The following IGSF3 variants were observed in gnomAD, a reference collection of about 807,000 sequenced individuals.
IGSF3 encodes glu-Trp-Ile EWI motif-containing protein 3.
Under a neutral mutation model 114.4 loss-of-function variants are expected in IGSF3, and 23 were observed. That is an observed-to-expected ratio of 0.20 (90% CI 0.14 to 0.28). The LOEUF (loss-of-function observed/expected upper bound fraction) is 0.28, where lower values mean the gene tolerates loss of function less well. Ranked by LOEUF, IGSF3 falls within the 10% of genes least tolerant of loss-of-function variation. The pLI, the probability that IGSF3 is intolerant of heterozygous loss-of-function variation, is 1.00. For synonymous variants in IGSF3, 571 were observed against 645.2 expected, an observed-to-expected ratio of 0.88 and a Z score of 1.74; for missense variants, 1,172 against 1,591.5, an observed-to-expected ratio of 0.74 and a Z score of 4.48.
intron 7 of IGSF3, among the ~76,000 whole-genome samples, chr1:116,597,488 C>A (rs1443173637): frequency 2.0e-5 from 3 of 152,178 alleles, no homozygotes; most frequent in African/African-American, 4.8e-5. Context: ...GAGTCCTGCA[C>A]GGCCTCAAGC....
In IGSF3 at chr1:116,595,537, A is replaced by C. The variant is rs1660307112; in HGVS notation, c.2029+4404T>G. On this transcript the variant is annotated intron_variant, in intron 7 of 10. Transcript: ENST00000369486. This position sits in a 1 kb window ranked among gnomAD's most constrained non-coding sequence, Gnocchi z 4.2. ...CCGGGTCAGCAATAAGAAATAGAAG[A>C]AAACCGATTTGGCAACATCCAGAGG... is the stretch of plus-strand genomic sequence containing the variant. Among the ~76,000 whole-genome samples, 1 of 152,216 alleles carries C rather than the reference A, an allele frequency of 6.6e-6. No homozygotes were observed. Among genetic ancestry groups the C allele is most frequent in the South Asian group, 2.1e-4 (1 of 4,828 alleles).
chr1:116,640,784 G>C (rs1648054692), intron 2 of IGSF3, among the ~76,000 whole-genome samples: 1 of 152,110 alleles, frequency 6.6e-6, no homozygotes, highest in Non-Finnish European at 1.5e-5. Context: ...AACCACACTA[G>C]GCATTGCCCA....
chr1:116,591,670 C>T (rs1009709830), intron 7 of IGSF3, among the ~76,000 whole-genome samples: 4 of 152,162 alleles, frequency 2.6e-5, no homozygotes, highest in African/African-American at 9.7e-5. Flanking sequence ...ATTCTATGCT[C>T]TGGATTTCCT....
intron 7 of IGSF3, among the ~76,000 whole-genome samples, chr1:116,597,174 A>C (rs1264710586): frequency 6.6e-6 from 1 of 152,198 alleles, no homozygotes; most frequent in Non-Finnish European, 1.5e-5. Context: ...AATCTCTCAG[A>C]GCCTCTGTTA....
chr1:116,633,588 C>T lies in IGSF3; in HGVS notation c.44-17131G>A, dbSNP rs1173854701. 6.6e-6 allele frequency among the ~76,000 whole-genome samples: 1 copy of T among 152,142 alleles called. No homozygotes were observed. The highest frequency in any genetic ancestry group is 1.5e-5 in the Non-Finnish European group (1 of 68,012). On this transcript the variant is annotated intron_variant, in intron 2 of 10. Coordinates refer to ENST00000369486, the MANE Select transcript of IGSF3 (RefSeq NM_001007237.3). This position sits in a 1 kb window ranked among gnomAD's most constrained non-coding sequence, Gnocchi z 4.3. ...GTAAGTGAGAGAACAAAAAATTTCA[C>T]AATCATGGGGACCTCTTCTTTCAGC...
rs200178729 is a variant in IGSF3 at position 116,624,096 on chromosome 1, CA to C, written c.44-7640del. Among the ~76,000 whole-genome samples the C allele has an allele frequency of 1.2e-4, 18 of 146,318 alleles. No homozygotes were observed. Among genetic ancestry groups the C allele is most frequent in the Admixed American group, 1.2e-3 (18 of 14,656 alleles). On this transcript the variant is annotated intron_variant, in intron 2 of 10. Coordinates refer to ENST00000369486, the MANE Select transcript of IGSF3 (RefSeq NM_001007237.3). This position sits in a 1 kb window ranked among gnomAD's most constrained non-coding sequence, Gnocchi z 4.9. ...AGAAAGACTCTATCTAAAAAAAAAA[CA>C]AAAAAAAGGTCCCTGAGGATCCCTC... is the stretch of plus-strand genomic sequence containing the variant.
At position 116,613,882 on chromosome 1, in the gene IGSF3, A is replaced by C; in HGVS notation, c.715T>G (p.Ser239Ala). ...TCGCAGTAGAATTCGCCCTGGTCAG[A>C]AGGCTGCAGGTGGAAGATGGTGAGG... ...FRLTIFHLQPSDQGEFYCEAA... is the reference protein window; with the variant it reads ...FRLTIFHLQPADQGEFYCEAA... Residue 239 changes from serine to alanine, a missense_variant, in exon 4 of 11, where the codon TCT becomes GCT. Physicochemically the swap from Ser to Ala is moderately conservative, Grantham distance 99. Around this residue, in one of 3 missense-constraint regions of IGSF3, gnomAD observed 736 missense variants for 1,042.0 expected, o/e 0.71. Transcript: ENST00000369486. 6.2e-7 allele frequency: 1 copy of C among 1,613,966 alleles called. No homozygotes were observed. Among genetic ancestry groups the C allele is most frequent in the Middle Eastern group, 1.7e-4 (1 of 6,052 alleles).
At position 116,626,053 on chromosome 1, in the gene IGSF3, T is replaced by G. The variant is rs573786261; in HGVS notation, c.44-9596A>C. ...ATTACTAAATGTTGAAGCTGCTTCC[T>G]TAGAGGACTGCTAAACCATAACTCA... On this transcript the variant is annotated intron_variant, in intron 2 of 10. Transcript: ENST00000369486. Among the ~76,000 whole-genome samples, 280 of 152,354 alleles carry G rather than the reference T, an allele frequency of 1.8e-3. 1 individual carries two copies. Among genetic ancestry groups the G allele is most frequent in the Non-Finnish European group, 3.4e-3 (233 of 68,026 alleles).
chr1:116,593,122 C>T lies in IGSF3; in HGVS notation c.2030-4018G>A, dbSNP rs1660190688. Among the ~76,000 whole-genome samples, 2 of 152,202 alleles carry T rather than the reference C, an allele frequency of 1.3e-5. No homozygotes were observed. The highest frequency in any genetic ancestry group is 1.3e-4 in the Admixed American group (2 of 15,280). On this transcript the variant is annotated intron_variant, in intron 7 of 10. Coordinates refer to ENST00000369486, the MANE Select transcript of IGSF3 (RefSeq NM_001007237.3). This position sits in a 1 kb window ranked among gnomAD's most constrained non-coding sequence, Gnocchi z 4.5. ...GCCTGCAGCTTGTACTTGATCCTGA[C>T]CACCTGTGGCCCTCAGGGTGCACGC...
chr1:116,652,911 G>A (rs771337941), intron 2 of IGSF3, among the ~76,000 whole-genome samples: 23 of 152,154 alleles, frequency 1.5e-4, no homozygotes, highest in Non-Finnish European at 7.3e-5. Flanking sequence ...GTACCCGTAC[G>A]GAGATTTAGT....
chr1:116,618,820 G>A lies in IGSF3; in HGVS notation c.44-2363C>T, dbSNP rs1307787004. ...TAACATTAGGTATCCTTTGAATTGCGGTGTTCTATGACAGCGCAACTACAA... is the reference window on the plus strand; with the variant it reads ...TAACATTAGGTATCCTTTGAATTGCAGTGTTCTATGACAGCGCAACTACAA... On this transcript the variant is annotated intron_variant, in intron 2 of 10. Coordinates refer to ENST00000369486, the MANE Select transcript of IGSF3 (RefSeq NM_001007237.3). This position sits in a 1 kb window ranked among gnomAD's most constrained non-coding sequence, Gnocchi z 4.7. Among the ~76,000 whole-genome samples, 2 of 152,030 alleles carry A rather than the reference G, an allele frequency of 1.3e-5. No homozygotes were observed. Among genetic ancestry groups the A allele is most frequent in the Admixed American group, 6.6e-5 (1 of 15,260 alleles).
Position 116,627,508 on chromosome 1 carries a change from AG to A in IGSF3, c.44-11052del, listed in dbSNP as rs1197236131. ...CAGCACTGCCTGCACCTCCTCCTGG[AG>A]CTGGCAGGGCCCCAGCAGTGCGCCT... is the stretch of plus-strand genomic sequence containing the variant. On this transcript the variant is annotated intron_variant, in intron 2 of 10. Transcript: ENST00000369486. The surrounding 1 kb of genome is among the most constrained non-coding windows in gnomAD (Gnocchi z 4.7). Among the ~76,000 whole-genome samples, 2 of 152,128 alleles carry A rather than the reference AG, an allele frequency of 1.3e-5. No homozygotes were observed. The highest frequency in any genetic ancestry group is 4.8e-5 in the African/African-American group (2 of 41,422).
intron 2 of IGSF3, among the ~76,000 whole-genome samples, chr1:116,622,466 T>TAA (rs3045085): frequency 1.0e-3 from 153 of 146,756 alleles, no homozygotes; most frequent in African/African-American, 3.3e-3. Flanking sequence ...AAAATTACAT[T>TAA]AAAAAAAAAA....
chr1:116,602,720 C>T (rs1349413397), intron 6 of IGSF3, among the ~76,000 whole-genome samples: 1 of 152,216 alleles, frequency 6.6e-6, no homozygotes, highest in Non-Finnish European at 1.5e-5. Flanking sequence ...GGGAGTGGGA[C>T]ATAAAGTTGC....
intron 2 of IGSF3, among the ~76,000 whole-genome samples, chr1:116,621,455 C>A (rs1363296123): frequency 6.6e-6 from 1 of 152,184 alleles, no homozygotes; most frequent in Non-Finnish European, 1.5e-5. Context: ...AGCCACTGAA[C>A]CTGCCCCTTT....
intron 2 of IGSF3, among the ~76,000 whole-genome samples, chr1:116,626,142 T>C (rs1405287276): frequency 6.6e-6 from 1 of 152,190 alleles, no homozygotes; most frequent in East Asian, 1.9e-4. Context: ...TTTTAAAAAT[T>C]ACAGTATTTT....
At chr1:116,663,462 A>T (rs188606880) in intron 2 of IGSF3, among the ~76,000 whole-genome samples, 2 of 152,010 alleles carry the variant, frequency 1.3e-5, no homozygotes, top group East Asian at 3.9e-4. Context: ...AGCCAGGCTT[A>T]AATGGCTTTG....
At position 116,584,967 on chromosome 1, in the gene IGSF3, G is replaced by A. The variant is rs367614047; in HGVS notation, c.2526C>T (p.Asn842=). ...RQVQLECVVL[N]RTSITSQLMV... ...TGAGCTGGGAGGTTATGCTGGTGCG[G>A]TTGAGAACCACACACTCCAGCTGTA... Residue 842 remains asparagine (N), a synonymous_variant, in exon 9 of 11, where the codon AAC becomes AAT. Transcript: ENST00000369486. The surrounding 1 kb of genome is among the most constrained non-coding windows in gnomAD (Gnocchi z 5.8). The A allele has an allele frequency of 1.2e-5, 19 of 1,607,988 alleles. No individual in the cohort carries two copies. The African/African-American group carries it at 1.9e-4, about 16-fold the overall frequency.
chr1:116,641,364 C>T (rs1648087678), intron 2 of IGSF3, among the ~76,000 whole-genome samples: 2 of 151,504 alleles, frequency 1.3e-5, no homozygotes, highest in African/African-American at 4.9e-5. Flanking sequence ...GGTATGGTGG[C>T]GTGTACCTGT....
Sources: gnomAD v4.1 joint callset for allele counts (sites outside exome capture counted in the v4.1 genomes callset) on GRCh38, gnomAD v4.1.1 for gene constraint, gnomAD v4.1.1 regional missense constraint, Gnocchi (gnomAD v3.1) non-coding constraint, MANE v1.5 for transcripts, NCBI Gene and HGNC (gene_info 2026-07-23, HGNC 2026-07-21) for gene names.